Variants in PIGG observed in about 807,000 individuals in gnomAD.
The protein encoded by PIGG is phosphatidylinositol glycan anchor biosynthesis class G (EMM blood group).
In PIGG, 70 loss-of-function variants were observed where a neutral mutation model predicts 83.2. The ratio of observed to expected loss-of-function variants is 0.84; its 90% CI spans 0.69 to 1.03. PIGG has a LOEUF of 1.03. Ranked by LOEUF, PIGG falls within the 50% of genes least tolerant of loss-of-function variation. PIGG has a pLI of 0.00. For missense variants in PIGG, 1,257 were observed against 1,233.6 expected, an observed-to-expected ratio of 1.02 and a Z score of -0.28; for synonymous variants, 532 against 519.5, an observed-to-expected ratio of 1.02 and a Z score of -0.33.
intron 9 of PIGG, among the ~76,000 whole-genome samples, chr4:526,795 G>A (rs769053648): frequency 5.3e-5 from 8 of 150,968 alleles, no homozygotes; most frequent in African/African-American, 1.7e-4. Flanking sequence ...CGATCCTTCC[G>A]CATTGGCATC....
At chr4:502,270 A>G (rs961581385) in intron 2 of PIGG, 1 of 152,070 alleles carries the variant, frequency 6.6e-6, no homozygotes, top group African/African-American at 2.4e-5. Flanking sequence ...CCCCAGAGCT[A>G]GTGTTTTGTT....
chr4:521,643 C>A lies in PIGG; in HGVS notation c.1333-17C>A, dbSNP rs761265921. ...CAAGCCCAGCAGTCTGTGGATGCTG[C>A]TGTTTCTCTGTTCCAGGTTCTCACC... On this transcript the variant is annotated splice_polypyrimidine_tract_variant and intron_variant, in intron 7 of 12. Coordinates refer to ENST00000453061, the MANE Select transcript of PIGG (RefSeq NM_001127178.3). 1.9e-6 allele frequency: 3 copies of A among 1,610,746 alleles called. No individual in the cohort carries two copies. The South Asian group carries it at 3.3e-5, about 18-fold the overall frequency.
chr4:514,729 G>A (rs1231617874), intron 5 of PIGG, among the ~76,000 whole-genome samples: 1 of 152,192 alleles, frequency 6.6e-6, no homozygotes, highest in Non-Finnish European at 1.5e-5. Context: ...TTCTTCCTAA[G>A]TTTAGAATCT....
intron 5 of PIGG, among the ~76,000 whole-genome samples, chr4:514,112 G>A (rs905803139): frequency 2.6e-5 from 4 of 152,226 alleles, no homozygotes; most frequent in Admixed American, 2.6e-4. Context: ...GGTAGTCACA[G>A]TCGTATAATA....
At position 503,845 on chromosome 4, in the gene PIGG, T is replaced by TACACACACAC. The variant is rs56841358; in HGVS notation, c.361-1841_361-1832dup. Among the ~76,000 whole-genome samples the TACACACACAC allele has an allele frequency of 1.9e-3, 274 of 145,714 alleles. 1 individual carries two copies. The highest frequency in any genetic ancestry group is 5.6e-3 in the African/African-American group (218 of 39,002). On this transcript the variant is annotated intron_variant, in intron 2 of 12. Coordinates refer to ENST00000453061, the MANE Select transcript of PIGG (RefSeq NM_001127178.3). ...GTACCTTCATATATTTGTGATTTTA[T>TACACACACAC]ACACACACACACACACACACACACA...
At position 507,023 on chromosome 4, in the gene PIGG, A is replaced by G. The variant is rs948810262; in HGVS notation, c.571-382A>G. On this transcript the variant is annotated intron_variant, in intron 3 of 12. Transcript: ENST00000453061. The stretch of plus-strand genomic sequence containing the variant: ...ATTTTTGTCAGAAGAACCCTTGCTC[A>G]TTTAAATTATCTGTAGAATATATTC... Among the ~76,000 whole-genome samples the G allele has an allele frequency of 3.9e-5, 6 of 152,342 alleles. No individual in the cohort carries two copies. In the South Asian group the frequency reaches 6.2e-4, roughly 16 times the overall value.
chr4:519,211 T>A (rs1391026333), intron 6 of PIGG, among the ~76,000 whole-genome samples: 1 of 152,196 alleles, frequency 6.6e-6, no homozygotes, highest in East Asian at 1.9e-4. Context: ...ATTACGCTTG[T>A]GTGCGTGCGT....
At chr4:520,039 C>T (rs1429947635) in intron 6 of PIGG, among the ~76,000 whole-genome samples, 1 of 152,188 alleles carries the variant, frequency 6.6e-6, no homozygotes, top group African/African-American at 2.4e-5. Context: ...GGCGGGCCTG[C>T]AGGCGTATGA....
Position 507,603 on chromosome 4 carries a change from G to A in PIGG, c.759+10G>A, listed in dbSNP as rs371539279. The A allele has an allele frequency of 1.1e-4, 172 of 1,603,062 alleles. No individual in the cohort carries two copies. Among genetic ancestry groups the A allele is most frequent in the Non-Finnish European group, 1.3e-4 (153 of 1,173,458 alleles). On this transcript the variant is annotated intron_variant, in intron 4 of 12. Transcript: ENST00000453061. ...CTCACTGCAGTCGAAGGTGAGGCTCGCCGTCGCTCACTGTCTGCTGATGTG... is the reference window on the plus strand; with the variant it reads ...CTCACTGCAGTCGAAGGTGAGGCTCACCGTCGCTCACTGTCTGCTGATGTG...
intron 11 of PIGG, 185 bp from the exon 12 acceptor site, chr4:533,633 G>A (rs1206737670): frequency 4.9e-6 from 3 of 612,020 alleles, no homozygotes; most frequent in African/African-American, 3.7e-5. Flanking sequence ...TGCCACCTAG[G>A]CAAGGCCAGC....
chr4:503,379 G>A (rs543695715), intron 2 of PIGG, among the ~76,000 whole-genome samples: 5 of 152,228 alleles, frequency 3.3e-5, no homozygotes, highest in Admixed American at 2.0e-4. Flanking sequence ...CCCATCACCC[G>A]TCCCTCAAGG....
At chr4:504,268 G>A (rs1718817094) in intron 2 of PIGG, among the ~76,000 whole-genome samples, 1 of 152,216 alleles carries the variant, frequency 6.6e-6, no homozygotes, top group Non-Finnish European at 1.5e-5. Flanking sequence ...GCATAGCTTA[G>A]TGGTCAGCCA....
In PIGG at chr4:521,847, C is replaced by T. The variant is rs144879126; in HGVS notation, c.1520C>T (p.Ala507Val). 1,519 of 1,614,134 alleles carry T rather than the reference C, an allele frequency of 9.4e-4. 6 individuals are homozygous for T. The African/African-American group carries it at 0.017, about 18-fold the overall frequency. ...TACTTCTGTGGCCTCTCGTGGCTGG[C>T]GGCAGGTGGGGTGATGGTGCTGGCC... ...SCYFCGLSWL[A>V]AGGVMVLASA... The change falls in exon 8 of 13, where the codon GCG becomes GTG. Residue 507 changes from alanine (A) to valine (V), a missense_variant. Ala to Val is a moderately conservative substitution (Grantham distance 64). Transcript: ENST00000453061.
chr4:519,508 T>C (rs1472022875), intron 6 of PIGG, among the ~76,000 whole-genome samples: 1 of 152,186 alleles, frequency 6.6e-6, no homozygotes, highest in Non-Finnish European at 1.5e-5. Flanking sequence ...ATTTGCAGCT[T>C]TTACCCACTG....
At chr4:514,876 A>G (rs950627868) in intron 5 of PIGG, among the ~76,000 whole-genome samples, 1 of 152,204 alleles carries the variant, frequency 6.6e-6, no homozygotes, top group Non-Finnish European at 1.5e-5. Flanking sequence ...GTCAAAAGCA[A>G]TTTAAGGTGG....
intron 5 of PIGG, among the ~76,000 whole-genome samples, chr4:514,391 T>C (rs1413623414): frequency 6.6e-6 from 1 of 152,252 alleles, no homozygotes; most frequent in Non-Finnish European, 1.5e-5. Flanking sequence ...AATAAGACCA[T>C]ACACTGTGAT....
intron 6 of PIGG, 84 bp from the exon 7 acceptor site, chr4:520,972 A>G: frequency 4.2e-6 from 4 of 951,248 alleles, no homozygotes; most frequent in Non-Finnish European, 6.8e-6. Flanking sequence ...TGTGCCATGC[A>G]TAACCGAATA....
chr4:530,302 G>A (rs754436475), intron 10 of PIGG, 134 bp from the exon 11 acceptor site: 8 of 649,854 alleles, frequency 1.2e-5, no homozygotes, highest in South Asian at 3.8e-5. Context: ...TAGGGAGGGT[G>A]CCGCGGCTCC....
At chr4:514,836 A>G (rs1275749587) in intron 5 of PIGG, among the ~76,000 whole-genome samples, 9 of 152,284 alleles carry the variant, frequency 5.9e-5, no homozygotes, top group Non-Finnish European at 1.3e-4. Context: ...TCAGAATAAC[A>G]ATGCCAGTGC....
Sources: allele counts gnomAD v4.1 joint callset (sites outside exome capture counted in the v4.1 genomes callset), GRCh38; gene constraint gnomAD v4.1.1; transcripts MANE v1.5; gene names NCBI Gene and HGNC (gene_info 2026-07-23, HGNC 2026-07-21).